Variants in CBFA2T3 observed in about 807,000 individuals in gnomAD.
The protein encoded by CBFA2T3 is transcriptional corepressor CBFA2T3.
Under a neutral mutation model 58.6 loss-of-function variants are expected in CBFA2T3, and 31 were observed. The ratio of observed to expected loss-of-function variants is 0.53; its 90% CI spans 0.40 to 0.71. CBFA2T3 has a LOEUF of 0.71. CBFA2T3 is among the 30% of genes least tolerant of loss of function. The pLI is 0.00. For synonymous variants in CBFA2T3, 531 were observed against 421.9 expected, an observed-to-expected ratio of 1.26 and a Z score of -3.17; for missense variants, 1,076 against 963.1, an observed-to-expected ratio of 1.12 and a Z score of -1.55.
chr16:88,959,900 T>G (rs1174809883), intron 1 of CBFA2T3, among the ~76,000 whole-genome samples: 7 of 151,972 alleles, frequency 4.6e-5, no homozygotes, highest in Non-Finnish European at 4.4e-5. Context: ...GTGACGGGCG[T>G]CTGTAATCCC....
chr16:88,958,708 G>A lies in CBFA2T3; in HGVS notation c.151+17949C>T, dbSNP rs1567635043. On this transcript the variant is annotated intron_variant, in intron 1 of 11. Coordinates refer to ENST00000268679, the MANE Select transcript of CBFA2T3 (RefSeq NM_005187.6). The surrounding 1 kb of genome is among the most constrained non-coding windows in gnomAD (Gnocchi z 4.0). ...AGGGCCGGGGGCTGGGGGCCTCGGT[G>A]TGGCCTTTGGAAGGAGATGAACTTG... is the stretch of plus-strand genomic sequence containing the variant. 6.6e-6 allele frequency among the ~76,000 whole-genome samples: 1 copy of A among 151,988 alleles called. No individual in the cohort carries two copies. The highest frequency in any genetic ancestry group is 2.4e-5 in the African/African-American group (1 of 41,388).
At chr16:88,880,675 G>A (rs1189562337) in intron 10 of CBFA2T3, 45 bp downstream of exon 10, 2 of 1,496,592 alleles carry the variant, frequency 1.3e-6, no homozygotes, top group Non-Finnish European at 9.1e-7. Flanking sequence ...CTGGGGCCCT[G>A]GCCTCCCACA....
intron 3 of CBFA2T3, among the ~76,000 whole-genome samples, chr16:88,896,272 C>T (rs557067573): frequency 1.7e-4 from 26 of 152,302 alleles, no homozygotes; most frequent in African/African-American, 6.3e-4. Flanking sequence ...CCGCGAACCT[C>T]CACACGCTGT....
At chr16:88,911,573 C>T (rs58225453) in intron 1 of CBFA2T3, among the ~76,000 whole-genome samples, 2,510 of 152,334 alleles carry the variant, frequency 0.016, 72 homozygotes, top group African/African-American at 0.055. Context: ...TTGGCTTTTC[C>T]GTCTCCTAAT....
chr16:88,963,339 T>G (rs1597794911), intron 1 of CBFA2T3, among the ~76,000 whole-genome samples: 1 of 56,768 alleles, frequency 1.8e-5, no homozygotes, highest in African/African-American at 6.7e-5. Flanking sequence ...TCTGCCAGGC[T>G]TTTTTTTTTT....
At chr16:88,922,642 C>A (rs573427200) in intron 1 of CBFA2T3, among the ~76,000 whole-genome samples, 5 of 152,200 alleles carry the variant, frequency 3.3e-5, no homozygotes, top group African/African-American at 9.6e-5. Flanking sequence ...CACCAATGCC[C>A]GGGACAGCAG....
intron 1 of CBFA2T3, among the ~76,000 whole-genome samples, chr16:88,917,230 G>A (rs1970767253): frequency 6.6e-6 from 1 of 152,222 alleles, no homozygotes. Flanking sequence ...TAGGTGTGGA[G>A]CAGAAAGTCC....
intron 1 of CBFA2T3, among the ~76,000 whole-genome samples, chr16:88,974,803 G>T (rs985382268): frequency 1.3e-5 from 2 of 152,044 alleles, no homozygotes; most frequent in Non-Finnish European, 2.9e-5. Context: ...GCCAGGCGAG[G>T]CTTGATGCCG....
intron 1 of CBFA2T3, among the ~76,000 whole-genome samples, chr16:88,973,538 C>G (rs1972710656): frequency 6.6e-6 from 1 of 152,160 alleles, no homozygotes; most frequent in Non-Finnish European, 1.5e-5. Context: ...GGAGGGCAAT[C>G]CAGACCCAGA....
At chr16:88,933,942 G>A (rs1485274597) in intron 1 of CBFA2T3, among the ~76,000 whole-genome samples, 2 of 136,560 alleles carry the variant, frequency 1.5e-5, no homozygotes, top group African/African-American at 5.0e-5. Context: ...GCCCCCGGGA[G>A]AGCTGAAAAA....
At chr16:88,884,160 C>T (rs1013603110) in intron 7 of CBFA2T3, 1 of 152,300 alleles carries the variant, frequency 6.6e-6, no homozygotes. Context: ...CCTGCCTGAC[C>T]CGGCTGCAGC....
rs114335339 is a variant in CBFA2T3, at chr16:88,895,651, G to A, written c.379+2427C>T. Among the ~76,000 whole-genome samples, 1,490 of 152,256 alleles carry A rather than the reference G, an allele frequency of 9.8e-3. 25 individuals are homozygous for A. The highest frequency in any genetic ancestry group is 0.034 in the African/African-American group (1,415 of 41,536). On this transcript the variant is annotated intron_variant, in intron 3 of 11. Transcript: ENST00000268679. ...AGGTGTGCCCACGACTGCCTCCCCC[G>A]GGGCCCAGCGCTCACTCTGCTCTCA...
At chr16:88,972,166 C>T (rs1972671658) in intron 1 of CBFA2T3, among the ~76,000 whole-genome samples, 1 of 149,316 alleles carries the variant, frequency 6.7e-6, no homozygotes, top group African/African-American at 2.4e-5. Flanking sequence ...AGGAGCGGAG[C>T]ATTCCAGCAG....
rs1466558813 is a variant in CBFA2T3, at chr16:88,950,415, G to A, written c.151+26242C>T. ...GGTCAGTTCACCCGTCCCCTGGACC[G>A]GCACCGGCACAGAGGGTCAGAGTGT... On this transcript the variant is annotated intron_variant, in intron 1 of 11. Transcript: ENST00000268679. 7 of 430,356 alleles carry A rather than the reference G, an allele frequency of 1.6e-5. 1 individual carries two copies. Among genetic ancestry groups the A allele is most frequent in the Non-Finnish European group, 2.3e-5 (5 of 217,522 alleles). 26.7% of individuals were successfully genotyped at this position (430,356 alleles called of 1,614,324 possible).
At position 88,875,238 on chromosome 16, in the gene CBFA2T3, G is replaced by T. The variant is rs184822682; in HGVS notation, c.*1738C>A. On this transcript the variant is annotated 3_prime_UTR_variant, in exon 12 of 12. Transcript: ENST00000268679. ...ACGCACAGATGCCAGGCTGCGGGCC[G>T]TGCCTGCTGTCTGTCCTTGTACTCG... 4.3e-6 allele frequency: 1 copy of T among 233,648 alleles called. No homozygotes were observed. The highest frequency in any genetic ancestry group is 8.5e-6 in the Non-Finnish European group (1 of 118,240). 14.5% of individuals were successfully genotyped at this position (233,648 alleles called of 1,614,324 possible).
At chr16:88,971,574 G>A (rs1465877969) in intron 1 of CBFA2T3, among the ~76,000 whole-genome samples, 2 of 152,252 alleles carry the variant, frequency 1.3e-5, no homozygotes, top group Non-Finnish European at 2.9e-5. Context: ...CGGCCGTCCT[G>A]GGGGTGGACT....
intron 3 of CBFA2T3, among the ~76,000 whole-genome samples, chr16:88,893,378 T>C (rs1246698387): frequency 2.0e-5 from 3 of 146,434 alleles, no homozygotes; most frequent in African/African-American, 5.1e-5. Flanking sequence ...ATGTCCCTCC[T>C]ACAAGTGTCT....
chr16:88,930,257 T>G (rs948673119), intron 1 of CBFA2T3, among the ~76,000 whole-genome samples: 1 of 149,308 alleles, frequency 6.7e-6, no homozygotes, highest in Non-Finnish European at 1.5e-5. Context: ...AAGCTACCCA[T>G]GCCCACAGCT....
At chr16:88,928,246 G>T (rs567140701) in intron 1 of CBFA2T3, among the ~76,000 whole-genome samples, 1 of 152,304 alleles carries the variant, frequency 6.6e-6, no homozygotes, top group South Asian at 2.1e-4. Flanking sequence ...CTTCTTGCCC[G>T]GCGTGTGGCA....
Sources: gnomAD v4.1 joint callset for allele counts (sites outside exome capture counted in the v4.1 genomes callset) on GRCh38, gnomAD v4.1.1 for gene constraint, Gnocchi (gnomAD v3.1) non-coding constraint, MANE v1.5 for transcripts, NCBI Gene and HGNC (gene_info 2026-07-23, HGNC 2026-07-21) for gene names.